VMP1: variants seen among roughly 807,000 people sequenced by gnomAD.
VMP1 encodes ectopic P-granules autophagy protein 3 homolog.
In VMP1, 11 loss-of-function variants were observed where a neutral mutation model predicts 56.0. The observed-to-expected ratio is 0.20, with a 90% confidence interval of 0.12 to 0.32. The LOEUF is 0.32. Ranked by LOEUF, VMP1 falls within the 10% of genes least tolerant of loss-of-function variation. The probability of loss-of-function intolerance (pLI) is 1.00; values close to 1 mark genes in which losing one functional copy is unlikely to be tolerated. For missense variants in VMP1, 296 were observed against 490.3 expected (o/e 0.60, Z 3.74); for synonymous variants, 149 against 165.0 (o/e 0.90, Z 0.74).
intron 2 of VMP1, among the ~76,000 whole-genome samples, chr17:59,733,534 C>T (rs1306853767): frequency 6.6e-6 from 1 of 151,744 alleles, no homozygotes; most frequent in Non-Finnish European, 1.5e-5. Context: ...CTCATCTCTA[C>T]TAAAAATACA....
chr17:59,719,756 G>A (rs2034321325), intron 1 of VMP1, among the ~76,000 whole-genome samples: 1 of 152,010 alleles, frequency 6.6e-6, no homozygotes, highest in South Asian at 2.1e-4. Flanking sequence ...GAGTATTATA[G>A]TCTTAGCACT....
At chr17:59,817,282 CAA>C (rs1209080230) in intron 9 of VMP1, among the ~76,000 whole-genome samples, 11,041 of 59,620 alleles carry the variant, frequency 0.19, 269 homozygotes, top group Middle Eastern at 0.23. Flanking sequence ...AACTCTGTCT[CAA>C]AAAAAAAAAA....
intron 1 of VMP1, among the ~76,000 whole-genome samples, chr17:59,712,083 T>C (rs1271178894): frequency 6.6e-6 from 1 of 152,212 alleles, no homozygotes; most frequent in Non-Finnish European, 1.5e-5. Flanking sequence ...CTTGTTAGGA[T>C]TGAATGAATA....
intron 10 of VMP1, among the ~76,000 whole-genome samples, chr17:59,835,678 C>T (rs959967178): frequency 2.0e-5 from 3 of 150,380 alleles, no homozygotes; most frequent in East Asian, 1.9e-4. Flanking sequence ...TTAGTAGAGA[C>T]GGGTTTTCTC....
chr17:59,780,544 C>T (rs2036782606), intron 7 of VMP1, among the ~76,000 whole-genome samples: 1 of 152,092 alleles, frequency 6.6e-6, no homozygotes, highest in African/African-American at 2.4e-5. Flanking sequence ...TTTTTTCCTC[C>T]TATATTGGAT....
intron 2 of VMP1, among the ~76,000 whole-genome samples, chr17:59,734,242 T>C (rs1022836731): frequency 6.6e-6 from 1 of 151,044 alleles, no homozygotes; most frequent in Admixed American, 6.6e-5. Context: ...AACTATAATA[T>C]AGTAGCCCCC....
intron 3 of VMP1, 85 bp from the exon 4 acceptor site, chr17:59,737,368 A>C (rs2035054497): frequency 1.5e-6 from 2 of 1,378,210 alleles, no homozygotes; most frequent in Non-Finnish European, 2.0e-6. Context: ...AGGTAACCTA[A>C]CTGTTTCAGC....
At position 59,817,724 on chromosome 17, in the gene VMP1, A is replaced by G. The variant is rs769369129; in HGVS notation, c.925A>G (p.Ile309Val). Reference protein sequence around the residue: ...IKMHIQKIFVIITFSKHIVEQ... With the variant: ...IKMHIQKIFVVITFSKHIVEQ... ...GTTTTCTTTACAGAAAATTTTTGTT[A>G]TAATAACATTCAGCAAGCACATAGT... Residue 309 changes from isoleucine (I) to valine (V), a missense_variant, in exon 10 of 12, where the codon ATA becomes GTA. Transcript: ENST00000262291. 2 of 1,604,420 alleles carry G rather than the reference A, an allele frequency of 1.2e-6. No homozygotes were observed. The highest frequency in any genetic ancestry group is 4.5e-5 in the East Asian group (2 of 44,598).
intron 7 of VMP1, among the ~76,000 whole-genome samples, chr17:59,783,814 G>A (rs981636798): frequency 2.6e-5 from 4 of 152,052 alleles, no homozygotes; most frequent in African/African-American, 9.7e-5. Flanking sequence ...CCAGCAGCTT[G>A]CTAGTAGGTC....
At chr17:59,781,812 C>T (rs1431012512) in intron 7 of VMP1, among the ~76,000 whole-genome samples, 1 of 152,112 alleles carries the variant, frequency 6.6e-6, no homozygotes, top group Non-Finnish European at 1.5e-5. Flanking sequence ...CATTTTCTTA[C>T]TGGTTTACAT....
intron 7 of VMP1, among the ~76,000 whole-genome samples, chr17:59,791,936 C>T (rs1265833129): frequency 6.6e-6 from 1 of 152,090 alleles, no homozygotes; most frequent in African/African-American, 2.4e-5. Flanking sequence ...GGAACTTAAA[C>T]TCTGCATTTC....
At chr17:59,743,005 A>G (rs1598323969) in intron 5 of VMP1, among the ~76,000 whole-genome samples, 1 of 152,146 alleles carries the variant, frequency 6.6e-6, no homozygotes, top group East Asian at 1.9e-4. Context: ...GTTGGGGACC[A>G]CTGCCATAAC....
intron 7 of VMP1, among the ~76,000 whole-genome samples, chr17:59,791,035 G>C (rs554359217): frequency 4.0e-5 from 6 of 151,848 alleles, no homozygotes; most frequent in African/African-American, 1.5e-4. Context: ...TCATAACTTC[G>C]CATGATGAAA....
intron 7 of VMP1, among the ~76,000 whole-genome samples, chr17:59,798,163 C>G (rs1385549486): frequency 6.6e-6 from 1 of 152,158 alleles, no homozygotes; most frequent in Non-Finnish European, 1.5e-5. Context: ...ACTGTTTTCT[C>G]CTGCAACCTG....
chr17:59,826,496 A>G (rs530336080), intron 10 of VMP1, among the ~76,000 whole-genome samples: 1 of 152,342 alleles, frequency 6.6e-6, no homozygotes, highest in South Asian at 2.1e-4. Flanking sequence ...TTCATTCATT[A>G]AATAGGAGGG....
At chr17:59,815,034 C>T (rs1038129554) in intron 9 of VMP1, among the ~76,000 whole-genome samples, 2 of 152,138 alleles carry the variant, frequency 1.3e-5, no homozygotes, top group African/African-American at 4.8e-5. Flanking sequence ...AACCTGTCTC[C>T]TTGTCTGCTT....
intron 8 of VMP1, among the ~76,000 whole-genome samples, chr17:59,809,578 C>T (rs969233161): frequency 1.5e-5 from 2 of 134,570 alleles, no homozygotes; most frequent in African/African-American, 2.9e-5. Context: ...GGGATCTCGG[C>T]TCACTGCAAG....
rs566485723 is a variant in VMP1 at position 59,774,992 on chromosome 17, C to T, written c.714+1107C>T. 1.3e-4 allele frequency among the ~76,000 whole-genome samples: 19 copies of T among 150,800 alleles called. No individual in the cohort carries two copies. The South Asian group carries it at 3.6e-3, about 28-fold the overall frequency. The stretch of plus-strand genomic sequence containing the variant: ...AGTCTCGCTCTGTCGCCAAGGCTGG[C>T]GTGCAGTGGCCTGATCTCGGCTCAC... On this transcript the variant is annotated intron_variant, in intron 7 of 11. Coordinates refer to ENST00000262291, the MANE Select transcript of VMP1 (RefSeq NM_030938.5).
At chr17:59,821,095 C>T (rs193232819) in intron 10 of VMP1, among the ~76,000 whole-genome samples, 11 of 151,768 alleles carry the variant, frequency 7.2e-5, no homozygotes, top group African/African-American at 2.7e-4. Context: ...CTCAGCCCCC[C>T]GAGTAGCTGG....
Sources: gnomAD v4.1 joint callset for allele counts (sites outside exome capture counted in the v4.1 genomes callset) on GRCh38, gnomAD v4.1.1 for gene constraint, MANE v1.5 for transcripts, NCBI Gene and HGNC (gene_info 2026-07-23, HGNC 2026-07-21) for gene names.